The following NELL1 variants were observed in gnomAD, a reference collection of about 807,000 sequenced individuals.
NELL1 encodes the protein neural EGFL like 1.
In NELL1, 76 loss-of-function variants were observed where a neutral mutation model predicts 107.4. The observed-to-expected ratio is 0.71, with a 90% CI of 0.59 to 0.86. The LOEUF (loss-of-function observed/expected upper bound fraction) is 0.86, where lower values mean the gene tolerates loss of function less well. Among genes scored for constraint, NELL1 ranks in the 40% least tolerant of loss-of-function variants. NELL1 has a pLI of 0.00. For missense variants in NELL1, 1,024 were observed against 1,005.5 expected (o/e 1.02, Z -0.25); for synonymous variants, 353 against 341.2 (o/e 1.03, Z -0.38).
At chr11:21,169,790 A>G in intron 13 of NELL1, 1 of 1,336,236 alleles carries the variant, frequency 7.5e-7, no homozygotes, top group Non-Finnish European at 1.0e-6. Context: ...CCTGCCGGGC[A>G]CCCGGAGAGT....
intron 14 of NELL1, among the ~76,000 whole-genome samples, chr11:21,291,248 A>G (rs570057783): frequency 1.3e-5 from 2 of 152,286 alleles, no homozygotes; most frequent in Non-Finnish European, 1.5e-5. Context: ...TATCATTATT[A>G]ACGATATAAT....
At chr11:20,825,534 G>T (rs748203991) in intron 3 of NELL1, among the ~76,000 whole-genome samples, 1 of 151,338 alleles carries the variant, frequency 6.6e-6, no homozygotes, top group Non-Finnish European at 1.5e-5. Context: ...TTATTTTGGA[G>T]CTTTAAGATT....
chr11:21,326,049 G>GTTTTTTGTTT (rs1850125173), intron 14 of NELL1, among the ~76,000 whole-genome samples: 1 of 37,384 alleles, frequency 2.7e-5, no homozygotes, highest in African/African-American at 1.3e-4. Context: ...GTTAATCCTA[G>GTTTTTTGTTT]TTTTTTTTTT....
chr11:21,082,011 A>T (rs1034538345), intron 12 of NELL1, among the ~76,000 whole-genome samples: 2 of 152,148 alleles, frequency 1.3e-5, no homozygotes, highest in Admixed American at 6.6e-5. Flanking sequence ...ATACTCTCTC[A>T]CAAAAATGTA....
chr11:21,518,199 A>C (rs1409220100), intron 15 of NELL1, among the ~76,000 whole-genome samples: 3 of 151,814 alleles, frequency 2.0e-5, no homozygotes, highest in African/African-American at 7.3e-5. Flanking sequence ...AAACTTTGTG[A>C]ATTTGACAAA....
intron 12 of NELL1, among the ~76,000 whole-genome samples, chr11:21,086,536 A>T (rs1029490193): frequency 4.6e-5 from 7 of 152,170 alleles, no homozygotes; most frequent in African/African-American, 1.7e-4. Flanking sequence ...ACCACCAGCA[A>T]CAATCACCTA....
intron 13 of NELL1, among the ~76,000 whole-genome samples, chr11:21,183,456 G>C (rs558630681): frequency 6.6e-6 from 1 of 151,966 alleles, no homozygotes; most frequent in Non-Finnish European, 1.5e-5. Flanking sequence ...TTATTCAGGA[G>C]AAGGGCTTGC....
intron 2 of NELL1, among the ~76,000 whole-genome samples, chr11:20,706,059 C>T (rs1240621597): frequency 6.6e-6 from 1 of 152,210 alleles, no homozygotes; most frequent in East Asian, 1.9e-4. Flanking sequence ...CACTTTTACA[C>T]TGTTGGTGGG....
At chr11:20,791,141 T>C (rs899486671) in intron 3 of NELL1, among the ~76,000 whole-genome samples, 9 of 152,192 alleles carry the variant, frequency 5.9e-5, no homozygotes, top group African/African-American at 1.9e-4. Flanking sequence ...AGAGATTGTA[T>C]TGAATCTGTA....
chr11:21,269,766 T>G (rs1848704996), intron 14 of NELL1, among the ~76,000 whole-genome samples: 1 of 152,104 alleles, frequency 6.6e-6, no homozygotes, highest in South Asian at 2.1e-4. Flanking sequence ...GCGAAAGAAT[T>G]AGCAAAATTA....
intron 14 of NELL1, among the ~76,000 whole-genome samples, chr11:21,293,476 G>GT (rs1314747105): frequency 6.6e-6 from 1 of 152,182 alleles, no homozygotes; most frequent in Non-Finnish European, 1.5e-5. Context: ...CTTTTACACT[G>GT]TTGGTGGGAG....
intron 14 of NELL1, among the ~76,000 whole-genome samples, chr11:21,322,449 G>A (rs1335543408): frequency 6.6e-6 from 1 of 152,114 alleles, no homozygotes; most frequent in Non-Finnish European, 1.5e-5. Flanking sequence ...TCCTACAAGA[G>A]TAGATTTTAA....
chr11:21,397,366 AAGT>A (rs1464766060), intron 15 of NELL1, among the ~76,000 whole-genome samples: 1 of 151,606 alleles, frequency 6.6e-6, no homozygotes, highest in Non-Finnish European at 1.5e-5. Flanking sequence ...TTAATTTAAA[AAGT>A]AGTATATTTT....
At chr11:21,021,151 T>C (rs1852691271) in intron 12 of NELL1, among the ~76,000 whole-genome samples, 2 of 151,924 alleles carry the variant, frequency 1.3e-5, no homozygotes, top group Non-Finnish European at 2.9e-5. Context: ...TGTATTTTTA[T>C]GAACTATATT....
chr11:20,763,082 A>G (rs930415297), intron 2 of NELL1, among the ~76,000 whole-genome samples: 1 of 152,158 alleles, frequency 6.6e-6, no homozygotes, highest in African/African-American at 2.4e-5. Flanking sequence ...CTCCTCATTT[A>G]TTGACTAACT....
At chr11:20,935,475 G>A (rs542103344) in intron 9 of NELL1, among the ~76,000 whole-genome samples, 2 of 152,232 alleles carry the variant, frequency 1.3e-5, no homozygotes, top group African/African-American at 2.4e-5. Flanking sequence ...AGGTGTGGAT[G>A]TTTTGTAGGG....
At chr11:20,885,140 A>G (rs191755377) in intron 4 of NELL1, among the ~76,000 whole-genome samples, 2 of 152,326 alleles carry the variant, frequency 1.3e-5, no homozygotes, top group Admixed American at 6.5e-5. Context: ...TTTCGCACCT[A>G]TAACATGCGT....
intron 12 of NELL1, among the ~76,000 whole-genome samples, chr11:21,024,436 T>C (rs925469339): frequency 2.2e-4 from 34 of 152,180 alleles, no homozygotes; most frequent in African/African-American, 7.7e-4. Flanking sequence ...GTAATAGTTA[T>C]GGTCTCACAT....
At chr11:20,717,789 T>C (rs965153459) in intron 2 of NELL1, among the ~76,000 whole-genome samples, 1 of 152,236 alleles carries the variant, frequency 6.6e-6, no homozygotes, top group Non-Finnish European at 1.5e-5. Flanking sequence ...CTTTAATTTT[T>C]GTCCCCCAGT....
Sources: gnomAD v4.1 joint callset for allele counts (sites outside exome capture counted in the v4.1 genomes callset) on GRCh38, gnomAD v4.1.1 for gene constraint, MANE v1.5 for transcripts, NCBI Gene and HGNC (gene_info 2026-07-23, HGNC 2026-07-21) for gene names.